The following HMGN5 variants were observed in gnomAD, a reference collection of about 807,000 sequenced individuals.
HMGN5 encodes high mobility group nucleosome binding domain 5, also known as high mobility group nucleosome-binding domain-containing protein 5.
A neutral mutation model predicts 9.5 loss-of-function variants in HMGN5; 4 were observed. That is an observed-to-expected ratio of 0.42 (90% CI 0.21 to 0.96). The LOEUF (loss-of-function observed/expected upper bound fraction) is 0.96, where lower values mean the gene tolerates loss of function less well. Among genes scored for constraint, HMGN5 ranks in the 40% least tolerant of loss-of-function variants. The pLI is 0.30. For synonymous variants in HMGN5, 55 were observed against 57.1 expected (o/e 0.96, Z 0.16); for missense variants, 192 against 187.5 (o/e 1.02, Z -0.14).
chrX:81,150,796 T>C (rs1238992571), intron 1 of HMGN5, among the ~76,000 whole-genome samples: 2 of 111,194 alleles, frequency 1.8e-5, no homozygotes, highest in Non-Finnish European at 3.8e-5. Context: ...GGCATTACAA[T>C]TGACACTGTA....
At chrX:81,123,029 T>C (rs1569341030) in intron 1 of HMGN5, among the ~76,000 whole-genome samples, 1 of 111,144 alleles carries the variant, frequency 9.0e-6, no homozygotes, top group Non-Finnish European at 1.9e-5. Context: ...TTTTGAACAG[T>C]TACTTTAGGA....
At chrX:81,160,982 A>T (rs1464791129) in intron 1 of HMGN5, among the ~76,000 whole-genome samples, 1 of 111,008 alleles carries the variant, frequency 9.0e-6, no homozygotes, top group Non-Finnish European at 1.9e-5. Context: ...CCAACTGTTG[A>T]TAGACAATTA....
chrX:81,164,663 C>T (rs79047282), intron 1 of HMGN5, among the ~76,000 whole-genome samples: 1,720 of 111,384 alleles, frequency 0.015, 14 homozygotes, highest in Non-Finnish European at 0.024. Context: ...AAACTAGTCA[C>T]ATGCAGTACC....
rs138823748 is a variant in HMGN5 at position 81,178,425 on chromosome X, T to C, written c.-124+23312A>G. ...TACAAATTACCCTCAGAGAATACTA[T>C]AGACATCTCTACGCAAATAAACTAG... is the stretch of plus-strand genomic sequence containing the variant. On this transcript the variant is annotated intron_variant, in intron 1 of 6. Transcript: ENST00000358130. 5.0e-3 allele frequency among the ~76,000 whole-genome samples: 560 copies of C among 111,857 alleles called. 4 individuals carry two copies. The highest frequency in any genetic ancestry group is 0.017 in the African/African-American group (528 of 30,811).
rs1206962734 is a variant in HMGN5, at chrX:81,114,828, TC to T, written c.669del (p.Asp225MetfsTer2). On this transcript the variant is annotated frameshift_variant, in exon 7 of 7. Transcript: ENST00000358130. LOFTEE classifies it low-confidence loss of function (END_TRUNC). ...TCATCTTCTTTGACTTTTACATCTT[TC>T]CCCTCTTTTTTATCTCCCTTCTCTT... ...DGKEKGDKKE[G>X]KDVKVKEDEK... The T allele has an allele frequency of 7.8e-6, 9 of 1,159,543 alleles. No homozygotes were observed. The highest frequency in any genetic ancestry group is 8.0e-6 in the Non-Finnish European group (7 of 870,952).
intron 1 of HMGN5, among the ~76,000 whole-genome samples, chrX:81,132,511 G>C (rs1450716348): frequency 9.0e-6 from 1 of 111,038 alleles, no homozygotes; most frequent in Non-Finnish European, 1.9e-5. Flanking sequence ...TAGACCAATG[G>C]AATAGAATAC....
At chrX:81,189,157 G>T (rs1168151709) in intron 1 of HMGN5, among the ~76,000 whole-genome samples, 2 of 111,601 alleles carry the variant, frequency 1.8e-5, no homozygotes, top group Non-Finnish European at 3.8e-5. Context: ...TAGAGTAAAA[G>T]TTTTCTTCTT....
intron 1 of HMGN5, among the ~76,000 whole-genome samples, chrX:81,148,556 A>G (rs2075352072): frequency 8.9e-6 from 1 of 112,036 alleles, no homozygotes; most frequent in Admixed American, 9.5e-5. Context: ...AATACCATTC[A>G]GGACATAGGC....
intron 1 of HMGN5, among the ~76,000 whole-genome samples, chrX:81,137,827 A>G (rs1370518474): frequency 9.0e-6 from 1 of 111,602 alleles, no homozygotes; most frequent in Non-Finnish European, 1.9e-5. Flanking sequence ...ACAAAAACAG[A>G]TTGCACAAGT....
chrX:81,183,876 A>G (rs1232220602), intron 1 of HMGN5, among the ~76,000 whole-genome samples: 1 of 112,178 alleles, frequency 8.9e-6, no homozygotes, highest in Non-Finnish European at 1.9e-5. Context: ...TTAAATGCCT[A>G]TATTGCTGTT....
chrX:81,176,319 A>G (rs1382063183), intron 1 of HMGN5, among the ~76,000 whole-genome samples: 1 of 112,036 alleles, frequency 8.9e-6, no homozygotes, highest in African/African-American at 3.2e-5. Flanking sequence ...AACCACAAAG[A>G]TAGGGAGAAA....
intron 1 of HMGN5, among the ~76,000 whole-genome samples, chrX:81,129,485 C>A (rs188531081): frequency 1.1e-3 from 124 of 110,445 alleles, no homozygotes; most frequent in African/African-American, 3.8e-3. Flanking sequence ...CTCTTTCATT[C>A]TTTCAGCTCT....
chrX:81,126,179 G>C, intron 1 of HMGN5, among the ~76,000 whole-genome samples: 1 of 104,524 alleles, frequency 9.6e-6, no homozygotes, highest in Middle Eastern at 5.1e-3. Context: ...AAATCAGGCA[G>C]TTTTTTTCAC....
At chrX:81,130,303 T>C (rs1442811191) in intron 1 of HMGN5, among the ~76,000 whole-genome samples, 1 of 111,626 alleles carries the variant, frequency 9.0e-6, no homozygotes, top group African/African-American at 3.3e-5. Flanking sequence ...AGATATGCTT[T>C]AAATTAATAA....
At chrX:81,120,123 A>C (rs1223761298) in intron 2 of HMGN5, among the ~76,000 whole-genome samples, 1 of 112,250 alleles carries the variant, frequency 8.9e-6, no homozygotes, top group African/African-American at 3.2e-5. Context: ...CCTGCTTTAG[A>C]TAATGTAAAA....
intron 1 of HMGN5, among the ~76,000 whole-genome samples, chrX:81,135,997 A>G (rs2075310117): frequency 9.0e-6 from 1 of 111,280 alleles, no homozygotes; most frequent in Non-Finnish European, 1.9e-5. Context: ...CTTAGCACAT[A>G]ACCAATTCCC....
At chrX:81,140,342 C>T (rs776736210) in intron 1 of HMGN5, among the ~76,000 whole-genome samples, 2 of 110,463 alleles carry the variant, frequency 1.8e-5, no homozygotes, top group African/African-American at 6.6e-5. Context: ...GGGCGGATCA[C>T]GAGGTCAGGA....
chrX:81,157,769 T>C (rs1019711320), intron 1 of HMGN5, among the ~76,000 whole-genome samples: 1 of 111,227 alleles, frequency 9.0e-6, no homozygotes, highest in Non-Finnish European at 1.9e-5. Context: ...TTTTATCAAC[T>C]GACCCAGGTA....
intron 1 of HMGN5, among the ~76,000 whole-genome samples, chrX:81,155,576 G>A (rs1003977636): frequency 9.0e-6 from 1 of 111,530 alleles, no homozygotes; most frequent in Non-Finnish European, 1.9e-5. Context: ...ACACAGCAAT[G>A]TAAAGGAATG....
Sources: allele counts gnomAD v4.1 joint callset (sites outside exome capture counted in the v4.1 genomes callset), GRCh38; gene constraint gnomAD v4.1.1; transcripts MANE v1.5; gene names NCBI Gene and HGNC (gene_info 2026-07-23, HGNC 2026-07-21).